The following STARD13 variants were observed in gnomAD, a reference collection of about 807,000 sequenced individuals.
The protein encoded by STARD13 is stAR-related lipid transfer protein 13.
Under a neutral mutation model 106.4 loss-of-function variants are expected in STARD13, and 62 were observed. That is an observed-to-expected ratio of 0.58 (90% CI 0.48 to 0.72). The LOEUF is 0.72. Among genes scored for constraint, STARD13 ranks in the 30% least tolerant of loss-of-function variants. The probability of loss-of-function intolerance (pLI) is 0.00; values close to 1 mark genes in which losing one functional copy is unlikely to be tolerated. For missense variants in STARD13, 1,387 were observed against 1,424.0 expected, an observed-to-expected ratio of 0.97 and a Z score of 0.42; for synonymous variants, 565 against 553.0, an observed-to-expected ratio of 1.02 and a Z score of -0.31.
chr13:33,454,332 C>T, the STARD13 span, among the ~76,000 whole-genome samples: 1 of 152,192 alleles, frequency 6.6e-6, no homozygotes, highest in Non-Finnish European at 1.5e-5. Flanking sequence ...TCTCTCCCTC[C>T]TTCCATGAGT....
intron 4 of STARD13, among the ~76,000 whole-genome samples, chr13:33,135,352 T>C (rs1396816173): frequency 6.6e-6 from 1 of 152,240 alleles, no homozygotes; most frequent in African/African-American, 2.4e-5. Flanking sequence ...TTTGTCTTAC[T>C]GAACAGGGTA....
At chr13:33,153,834 C>T (rs1566030149) in intron 3 of STARD13, among the ~76,000 whole-genome samples, 1 of 152,214 alleles carries the variant, frequency 6.6e-6, no homozygotes, top group Non-Finnish European at 1.5e-5. Context: ...TAAAGCCTAG[C>T]AGCCTGAACT....
chr13:33,530,119 G>GTT, the STARD13 span, among the ~76,000 whole-genome samples: 108 of 143,758 alleles, frequency 7.5e-4, 1 homozygote, highest in African/African-American at 2.1e-3. Flanking sequence ...CTCTACTCAT[G>GTT]TTTTTTTTTT....
At chr13:33,532,323 T>C in the STARD13 span, among the ~76,000 whole-genome samples, 1 of 152,222 alleles carries the variant, frequency 6.6e-6, no homozygotes, top group Non-Finnish European at 1.5e-5. Context: ...TGATCTCTTA[T>C]AAATCATGTG....
At chr13:33,348,189 C>T (rs1478085192), downstream of STARD13, among the ~76,000 whole-genome samples, 2 of 152,188 alleles carry the variant, frequency 1.3e-5, no homozygotes, top group Non-Finnish European at 2.9e-5. Context: ...TTTCAAACCT[C>T]ATACCGCTAT....
At chr13:33,664,327 T>G in the STARD13 span, among the ~76,000 whole-genome samples, 58 of 152,306 alleles carry the variant, frequency 3.8e-4, no homozygotes, top group Admixed American at 1.0e-3. Context: ...TTTTTACAAT[T>G]GTTGTTGAGT....
intron 1 of STARD13, among the ~76,000 whole-genome samples, chr13:33,229,858 C>G (rs77418149): frequency 6.6e-6 from 1 of 152,200 alleles, no homozygotes; most frequent in Non-Finnish European, 1.5e-5. Context: ...AAAGGCAGCT[C>G]TCTTTGTTGT....
At chr13:33,458,517 A>G in the STARD13 span, among the ~76,000 whole-genome samples, 12 of 152,256 alleles carry the variant, frequency 7.9e-5, no homozygotes, top group African/African-American at 2.2e-4. Context: ...AAGTTTAGCA[A>G]TTCTTTTAGT....
At chr13:33,574,939 A>G in the STARD13 span, among the ~76,000 whole-genome samples, 2 of 129,842 alleles carry the variant, frequency 1.5e-5, no homozygotes, top group Non-Finnish European at 3.2e-5. Flanking sequence ...TTTTTTTGAG[A>G]CAGAGTCTCA....
At chr13:33,468,001 T>C in the STARD13 span, among the ~76,000 whole-genome samples, 1 of 152,140 alleles carries the variant, frequency 6.6e-6, no homozygotes, top group Non-Finnish European at 1.5e-5. Context: ...CAAGATAAAA[T>C]TGATGCATCA....
the STARD13 span, among the ~76,000 whole-genome samples, chr13:33,392,403 C>T: frequency 3.3e-5 from 5 of 152,052 alleles, no homozygotes; most frequent in African/African-American, 1.2e-4. Context: ...ATGTGGTCAT[C>T]AACTTCTTTT....
intron 7 of STARD13, among the ~76,000 whole-genome samples, chr13:33,125,221 T>C (rs1264370199): frequency 6.6e-6 from 1 of 152,132 alleles, no homozygotes; most frequent in Non-Finnish European, 1.5e-5. Context: ...CAAATAATCT[T>C]AGGTTGGTAC....
chr13:33,528,265 T>TATATATATATATATATATATAC, the STARD13 span, among the ~76,000 whole-genome samples: 14 of 131,534 alleles, frequency 1.1e-4, no homozygotes, highest in African/African-American at 4.5e-4. Context: ...TACATATATA[T>TATATATATATATATATATATAC]ATATATATAC....
At chr13:33,207,120 G>A (rs944119915) in intron 1 of STARD13, among the ~76,000 whole-genome samples, 1 of 152,216 alleles carries the variant, frequency 6.6e-6, no homozygotes. Flanking sequence ...ACCACTGCCT[G>A]TGATAAGGAG....
chr13:33,380,577 T>C, the STARD13 span, among the ~76,000 whole-genome samples: 1 of 149,450 alleles, frequency 6.7e-6, no homozygotes, highest in South Asian at 2.1e-4. Context: ...GAACTGTCTC[T>C]GCCCTGGCCC....
chr13:33,615,940 T>A, the STARD13 span, among the ~76,000 whole-genome samples: 1 of 152,234 alleles, frequency 6.6e-6, no homozygotes, highest in Non-Finnish European at 1.5e-5. Context: ...TAATGCTTGA[T>A]GTTGCCAGTC....
chr13:33,657,114 C>T, the STARD13 span, among the ~76,000 whole-genome samples: 3 of 152,128 alleles, frequency 2.0e-5, no homozygotes, highest in African/African-American at 7.2e-5. Context: ...CTAAAAAATA[C>T]AAAAAATTAG....
chr13:33,158,006 AT>A (rs974003428), intron 3 of STARD13, among the ~76,000 whole-genome samples: 15 of 152,302 alleles, frequency 9.8e-5, no homozygotes, highest in Admixed American at 8.5e-4. Context: ...TACAATTACA[AT>A]TGTGGTTGTT....
chr13:33,602,638 G>A, the STARD13 span, among the ~76,000 whole-genome samples: 1 of 152,188 alleles, frequency 6.6e-6, no homozygotes, highest in Non-Finnish European at 1.5e-5. Flanking sequence ...CTCCAAACCT[G>A]GGGCCATGGA....
Sources: allele counts gnomAD v4.1 joint callset (sites outside exome capture counted in the v4.1 genomes callset), GRCh38; gene constraint gnomAD v4.1.1; transcripts MANE v1.5; gene names NCBI Gene and HGNC (gene_info 2026-07-23, HGNC 2026-07-21).